The following FBXL17 variants were observed in gnomAD, a reference collection of about 807,000 sequenced individuals.
FBXL17 encodes the protein F-box and leucine rich repeat protein 17, also known as F-box/LRR-repeat protein 17.
Under a neutral mutation model 66.2 loss-of-function variants are expected in FBXL17, and 22 were observed. The ratio of observed to expected loss-of-function variants is 0.33; its 90% CI spans 0.24 to 0.47. FBXL17 has a LOEUF of 0.47. Among genes scored for constraint, FBXL17 ranks in the 20% least tolerant of loss-of-function variants. FBXL17 has a pLI of 1.00. For missense variants in FBXL17, 878 were observed against 948.2 expected (o/e 0.93, Z 0.97); for synonymous variants, 474 against 400.5 (o/e 1.18, Z -2.19).
intron 6 of FBXL17, among the ~76,000 whole-genome samples, chr5:108,163,399 C>CTTTTTTTTTTTTTTTTTTTTTTTTTTT (rs764052812): frequency 7.7e-6 from 1 of 129,540 alleles, no homozygotes; most frequent in Non-Finnish European, 1.6e-5. Context: ...TTTTTTTTTT[C>CTTTTTTTTTTTTTTTTTTTTTTTTTTT]TTTTTTTTTT....
Position 108,145,821 on chromosome 5 carries a change from C to CAATAATAATAAT in FBXL17, c.1745+40284_1745+40295dup, listed in dbSNP as rs139233106. On this transcript the variant is annotated intron_variant, in intron 6 of 8. Transcript: ENST00000542267. ...AGCACTAAATTTTCGGTTGCCTAAA[C>CAATAATAATAAT]AATAATAATAATAATAATAATAATA... is the stretch of plus-strand genomic sequence containing the variant. Among the ~76,000 whole-genome samples, 1,230 of 146,144 alleles carry CAATAATAATAAT rather than the reference C, an allele frequency of 8.4e-3. 9 individuals are homozygous for CAATAATAATAAT. The highest frequency in any genetic ancestry group is 0.029 in the African/African-American group (1,145 of 39,784).
At chr5:108,083,314 A>C (rs1644365013) in intron 6 of FBXL17, among the ~76,000 whole-genome samples, 1 of 152,058 alleles carries the variant, frequency 6.6e-6, no homozygotes, top group African/African-American at 2.4e-5. Flanking sequence ...GAGGAATAAA[A>C]TATTTTCCAT....
chr5:108,259,466 T>G (rs1214513587), intron 4 of FBXL17, among the ~76,000 whole-genome samples: 1 of 152,156 alleles, frequency 6.6e-6, no homozygotes, highest in Non-Finnish European at 1.5e-5. Flanking sequence ...GTAAAGTTGT[T>G]TACATTCCTG....
chr5:108,137,763 T>G (rs1354893480), intron 6 of FBXL17, among the ~76,000 whole-genome samples: 2 of 152,166 alleles, frequency 1.3e-5, no homozygotes, highest in South Asian at 2.1e-4. Context: ...CACCTACACA[T>G]TTATTTCATA....
chr5:108,232,639 G>T (rs914573951), intron 4 of FBXL17, among the ~76,000 whole-genome samples: 1 of 151,006 alleles, frequency 6.6e-6, no homozygotes. Flanking sequence ...TCTTTCTCCC[G>T]TGCTGGATGC....
At chr5:108,274,563 G>A (rs1280888366) in intron 4 of FBXL17, among the ~76,000 whole-genome samples, 1 of 152,036 alleles carries the variant, frequency 6.6e-6, no homozygotes, top group Non-Finnish European at 1.5e-5. Context: ...ATTATTACAG[G>A]GTCCTGAGGT....
intron 6 of FBXL17, among the ~76,000 whole-genome samples, chr5:108,036,972 GGGATAAAAA>G (rs1746866230): frequency 6.6e-6 from 1 of 152,070 alleles, no homozygotes. Flanking sequence ...TCTAATAAAA[GGGATAAAAA>G]GCTTGTGGTA....
At chr5:108,230,651 T>C (rs1755292749) in intron 4 of FBXL17, among the ~76,000 whole-genome samples, 1 of 150,768 alleles carries the variant, frequency 6.6e-6, no homozygotes, top group Non-Finnish European at 1.5e-5. Flanking sequence ...TGCACCACGA[T>C]CTCACAAATC....
intron 4 of FBXL17, among the ~76,000 whole-genome samples, chr5:108,344,186 G>GT (rs1747093001): frequency 6.6e-6 from 1 of 151,948 alleles, no homozygotes; most frequent in Non-Finnish European, 1.5e-5. Flanking sequence ...GGGGTCGGGG[G>GT]GGAAAGCCTG....
At position 107,869,257 on chromosome 5, in the gene FBXL17, G is replaced by T. The variant is rs145543640; in HGVS notation, c.1966-7397C>A. Among the ~76,000 whole-genome samples, 131 of 152,270 alleles carry T rather than the reference G, an allele frequency of 8.6e-4. 1 individual carries two copies. Among genetic ancestry groups the T allele is most frequent in the African/African-American group, 3.0e-3 (126 of 41,546 alleles). ...CTGGGACAATACGCCTCTGGAGCCT[G>T]CTTCTCTCCGCGTTTCTTGGCTCTC... On this transcript the variant is annotated intron_variant, in intron 8 of 8. Coordinates refer to ENST00000542267, the MANE Select transcript of FBXL17 (RefSeq NM_001163315.3).
intron 6 of FBXL17, among the ~76,000 whole-genome samples, chr5:108,044,988 G>A (rs958301612): frequency 2.0e-5 from 3 of 151,966 alleles, no homozygotes; most frequent in Admixed American, 6.6e-5. Flanking sequence ...GTAATATCTC[G>A]TTTCATTCCT....
chr5:108,053,683 C>G (rs903012133), intron 6 of FBXL17, among the ~76,000 whole-genome samples: 5 of 152,154 alleles, frequency 3.3e-5, no homozygotes, highest in African/African-American at 1.2e-4. Flanking sequence ...TTAGTTCAAC[C>G]ATTGTGGAAG....
At chr5:108,005,439 G>C (rs1486911969) in intron 7 of FBXL17, among the ~76,000 whole-genome samples, 4 of 152,110 alleles carry the variant, frequency 2.6e-5, no homozygotes, top group Non-Finnish European at 5.9e-5. Flanking sequence ...AAAAAATGTG[G>C]TATGGATGGT....
At chr5:108,068,614 C>G (rs1357411613) in intron 6 of FBXL17, among the ~76,000 whole-genome samples, 1 of 152,036 alleles carries the variant, frequency 6.6e-6, no homozygotes, top group African/African-American at 2.4e-5. Context: ...TGCCACCATG[C>G]CCAGCTAATT....
intron 4 of FBXL17, among the ~76,000 whole-genome samples, chr5:108,295,784 T>C (rs1561512699): frequency 6.6e-6 from 1 of 151,402 alleles, no homozygotes; most frequent in Non-Finnish European, 1.5e-5. Flanking sequence ...TCTCAAAAGG[T>C]AGGAAAGGGA....
At chr5:108,247,440 T>C (rs1186183326) in intron 4 of FBXL17, among the ~76,000 whole-genome samples, 1 of 152,156 alleles carries the variant, frequency 6.6e-6, no homozygotes, top group East Asian at 1.9e-4. Flanking sequence ...CTATTAACAG[T>C]TGGTCACATT....
At chr5:108,190,953 G>A (rs1385854775) in intron 5 of FBXL17, among the ~76,000 whole-genome samples, 1 of 152,158 alleles carries the variant, frequency 6.6e-6, no homozygotes, top group Non-Finnish European at 1.5e-5. Flanking sequence ...AGCTTTCTGG[G>A]CTCATGTGCT....
intron 6 of FBXL17, among the ~76,000 whole-genome samples, chr5:108,057,473 A>C (rs1747752980): frequency 6.6e-6 from 1 of 152,148 alleles, no homozygotes; most frequent in South Asian, 2.1e-4. Flanking sequence ...TAAGGGTCCC[A>C]AAGACTTATA....
intron 6 of FBXL17, among the ~76,000 whole-genome samples, chr5:108,145,805 T>C (rs1222357827): frequency 6.9e-6 from 1 of 145,044 alleles, no homozygotes; most frequent in East Asian, 2.1e-4. Flanking sequence ...TAGCACTAAA[T>C]TTTCGGTTGC....
Sources: allele counts gnomAD v4.1 joint callset (sites outside exome capture counted in the v4.1 genomes callset), GRCh38; gene constraint gnomAD v4.1.1; transcripts MANE v1.5; gene names NCBI Gene and HGNC (gene_info 2026-07-23, HGNC 2026-07-21).